NFAM1: variants seen among roughly 807,000 people sequenced by gnomAD.
The protein encoded by NFAM1 is NFAT activating protein with ITAM motif 1.
Under a neutral mutation model 29.0 loss-of-function variants are expected in NFAM1, and 17 were observed. The ratio of observed to expected loss-of-function variants is 0.59; its 90% CI spans 0.40 to 0.88. NFAM1 has a LOEUF of 0.88. Ranked by LOEUF, NFAM1 falls within the 40% of genes least tolerant of loss-of-function variation. NFAM1 has a pLI of 0.00. For missense variants in NFAM1, 324 were observed against 344.6 expected (o/e 0.94, Z 0.47); for synonymous variants, 175 against 147.2 (o/e 1.19, Z -1.36).
In NFAM1 at chr22:42,409,523, T is replaced by C. The variant is rs771190465; in HGVS notation, c.476A>G (p.Gln159Arg). ...VRDAGYREPPQSPQKLLLFGF... is the reference protein window; with the variant it reads ...VRDAGYREPPRSPQKLLLFGF... Reference sequence around the variant, plus strand: ...AAAGAGCAGGAGCTTCTGTGGACTCTGCGGGGGCTCTCGGTACCCTGCGTC... The same window carrying C: ...AAAGAGCAGGAGCTTCTGTGGACTCCGCGGGGGCTCTCGGTACCCTGCGTC... Residue 159 changes from glutamine to arginine, a missense_variant, in exon 3 of 6, where the codon CAG (glutamine) becomes CGG (arginine). Coordinates refer to ENST00000329021, the MANE Select transcript of NFAM1 (RefSeq NM_145912.8). This position sits in a 1 kb window ranked among gnomAD's most constrained non-coding sequence, Gnocchi z 4.9. The C allele has an allele frequency of 2.6e-6, 4 of 1,546,126 alleles. No individual in the cohort carries two copies. The highest frequency in any genetic ancestry group is 2.0e-5 in the Admixed American group (1 of 51,196).
upstream of NFAM1, among the ~76,000 whole-genome samples, chr22:42,436,652 C>T (rs995515098): frequency 8.5e-5 from 13 of 152,198 alleles, no homozygotes; most frequent in Non-Finnish European, 1.6e-4. Context: ...ATTTTTGGCT[C>T]TTAAGCATTT....
In NFAM1 at chr22:42,432,265, C is replaced by T; in HGVS notation, c.93G>A (p.Leu31=). Residue 31 remains leucine, a synonymous_variant, in exon 1 of 6, where the codon CTG becomes CTA. Coordinates refer to ENST00000329021, the MANE Select transcript of NFAM1 (RefSeq NM_145912.8). ...PAAPWLLLGV[L]LLPGTLRLAG... ...CCAGTCGCAGGGTCCCGGGCAGCAG[C>T]AGCACGCCAAGGAGGAGCCAGGGGG... is the stretch of plus-strand genomic sequence containing the variant. 6.4e-7 allele frequency: 1 copy of T among 1,573,064 alleles called. No individual in the cohort carries two copies. Among genetic ancestry groups the T allele is most frequent in the Non-Finnish European group, 8.6e-7 (1 of 1,158,802 alleles).
intron 1 of NFAM1, among the ~76,000 whole-genome samples, chr22:42,430,888 G>A (rs9611794): frequency 2.6e-5 from 4 of 152,162 alleles, no homozygotes; most frequent in Admixed American, 6.5e-5. Flanking sequence ...CTGTAGTTGA[G>A]ACACATTGAC....
At chr22:42,404,933 G>A (rs1176489712) in intron 3 of NFAM1, among the ~76,000 whole-genome samples, 1 of 151,936 alleles carries the variant, frequency 6.6e-6, no homozygotes, top group Non-Finnish European at 1.5e-5. Flanking sequence ...CATTTCCAGA[G>A]GAGGAAACTG....
chr22:42,421,348 C>T (rs1407502238), intron 1 of NFAM1, among the ~76,000 whole-genome samples: 1 of 147,748 alleles, frequency 6.8e-6, no homozygotes, highest in Non-Finnish European at 1.5e-5. Flanking sequence ...CCCAGCTACT[C>T]GGGAGGCTGA....
intron 1 of NFAM1, among the ~76,000 whole-genome samples, chr22:42,429,358 G>A (rs1398260326): frequency 6.6e-6 from 1 of 152,238 alleles, no homozygotes; most frequent in East Asian, 1.9e-4. Flanking sequence ...GCTCACGCCT[G>A]TAATCCCAGC....
intron 1 of NFAM1, among the ~76,000 whole-genome samples, chr22:42,426,277 T>C (rs8139123): frequency 0.53 from 80,423 of 152,056 alleles, 24,621 homozygotes; most frequent in African/African-American, 0.86. Context: ...TCTGTGGACC[T>C]CTGGCCCCTG....
In NFAM1 at chr22:42,397,323, A is replaced by G. The variant is rs1929563641; in HGVS notation, c.663+535T>C. Among the ~76,000 whole-genome samples, 3 of 152,172 alleles carry G rather than the reference A, an allele frequency of 2.0e-5. No homozygotes were observed. The South Asian group carries it at 6.2e-4, about 31-fold the overall frequency. ...AGAAAATGCCTACAACACAGCAGAG[A>G]GTGGAACAAACAGGGTCCCAACGCA... is the stretch of plus-strand genomic sequence containing the variant. On this transcript the variant is annotated intron_variant, in intron 4 of 5. Coordinates refer to ENST00000329021, the MANE Select transcript of NFAM1 (RefSeq NM_145912.8).
intron 1 of NFAM1, among the ~76,000 whole-genome samples, chr22:42,431,879 C>T (rs886215618): frequency 1.3e-5 from 2 of 151,832 alleles, no homozygotes; most frequent in Non-Finnish European, 2.9e-5. Flanking sequence ...CCGCAGCAGC[C>T]ACGTGAGGTT....
At chr22:42,389,611 G>C (rs561078322) in intron 4 of NFAM1, among the ~76,000 whole-genome samples, 1 of 149,938 alleles carries the variant, frequency 6.7e-6, no homozygotes, top group Non-Finnish European at 1.5e-5. Context: ...GGCTGGGCTG[G>C]GGGTTGGGGG....
intron 1 of NFAM1, among the ~76,000 whole-genome samples, chr22:42,428,708 G>A (rs1057246057): frequency 5.9e-5 from 9 of 152,156 alleles, no homozygotes; most frequent in African/African-American, 1.9e-4. Context: ...GCCTAGAACC[G>A]GTCCTTTTCA....
chr22:42,430,000 CG>C (rs1930743334), intron 1 of NFAM1, among the ~76,000 whole-genome samples: 1 of 152,168 alleles, frequency 6.6e-6, no homozygotes, highest in Non-Finnish European at 1.5e-5. Context: ...CAGTGGCTCA[CG>C]CCTGTAATCC....
chr22:42,394,212 A>G (rs1929443261), intron 4 of NFAM1, among the ~76,000 whole-genome samples: 1 of 151,278 alleles, frequency 6.6e-6, no homozygotes, highest in Admixed American at 6.6e-5. Flanking sequence ...ATTTTTTTGT[A>G]TTTTTAGTAG....
intron 1 of NFAM1, among the ~76,000 whole-genome samples, chr22:42,415,967 T>C (rs983657876): frequency 2.6e-5 from 4 of 152,064 alleles, no homozygotes; most frequent in Non-Finnish European, 4.4e-5. Flanking sequence ...GAAGGGCTGG[T>C]ATGGGGAGCA....
At position 42,385,043 on chromosome 22, in the gene NFAM1, G is replaced by A; in HGVS notation, c.*118C>T. 1 of 789,234 alleles carries A rather than the reference G, an allele frequency of 1.3e-6. No homozygotes were observed. Among genetic ancestry groups the A allele is most frequent in the Non-Finnish European group, 2.3e-6 (1 of 439,608 alleles). 48.9% of individuals were successfully genotyped at this position (789,234 alleles called of 1,614,324 possible). A position where few individuals can be genotyped will look rare whatever the true frequency, so the allele number is the denominator to read the frequency against. On this transcript the variant is annotated 3_prime_UTR_variant, in exon 6 of 6. Transcript: ENST00000329021. ...AGACAGGAAGGGCCTTGAATGTGAG[G>A]GTGAAATGATGGGGTGTCCCTGGGG...
intron 4 of NFAM1, among the ~76,000 whole-genome samples, chr22:42,393,917 T>C (rs1249636720): frequency 2.0e-5 from 3 of 152,232 alleles, no homozygotes; most frequent in Non-Finnish European, 4.4e-5. Context: ...GCTCAGTTTA[T>C]ATTCTGTGTG....
At chr22:42,408,958 TG>T (rs1270867340) in intron 3 of NFAM1, among the ~76,000 whole-genome samples, 1 of 151,978 alleles carries the variant, frequency 6.6e-6, no homozygotes, top group Non-Finnish European at 1.5e-5. Context: ...GGAGCTATGC[TG>T]GAGGGTGTTT....
intron 1 of NFAM1, among the ~76,000 whole-genome samples, chr22:42,412,347 C>T (rs1235281669): frequency 6.6e-6 from 1 of 152,192 alleles, no homozygotes; most frequent in African/African-American, 2.4e-5. Flanking sequence ...GCATATTACG[C>T]ACACCACTCT....
chr22:42,437,294 C>A (rs777744569), upstream of NFAM1, among the ~76,000 whole-genome samples: 1 of 152,028 alleles, frequency 6.6e-6, no homozygotes, highest in Non-Finnish European at 1.5e-5. Context: ...AGGCACCCAC[C>A]ACCACACCCG....
Sources: allele counts gnomAD v4.1 joint callset (sites outside exome capture counted in the v4.1 genomes callset), GRCh38; gene constraint gnomAD v4.1.1; non-coding constraint Gnocchi (gnomAD v3.1); transcripts MANE v1.5; gene names NCBI Gene and HGNC (gene_info 2026-07-23, HGNC 2026-07-21).